DIAPH2: variants seen among roughly 807,000 people sequenced by gnomAD.
DIAPH2 encodes the protein protein diaphanous homolog 2.
DIAPH2 carries 35 observed loss-of-function variants against 92.7 expected under a neutral mutation model. That is an observed-to-expected ratio of 0.38 (90% CI 0.29 to 0.50). The LOEUF is 0.50. Ranked by LOEUF, DIAPH2 falls within the 20% of genes least tolerant of loss-of-function variation. DIAPH2 has a pLI of 0.94. For synonymous variants in DIAPH2, 301 were observed against 280.4 expected, an observed-to-expected ratio of 1.07 and a Z score of -0.73; for missense variants, 701 against 819.5, an observed-to-expected ratio of 0.86 and a Z score of 1.77.
At chrX:97,036,136 A>T (rs2066409122) in intron 17 of DIAPH2, among the ~76,000 whole-genome samples, 1 of 111,787 alleles carries the variant, frequency 8.9e-6, no homozygotes, top group South Asian at 3.7e-4. Flanking sequence ...AAAACTTGGA[A>T]TTTAAAAGAA....
chrX:96,870,315 G>T (rs2065131698), intron 4 of DIAPH2, among the ~76,000 whole-genome samples: 1 of 110,413 alleles, frequency 9.1e-6, no homozygotes, highest in Non-Finnish European at 1.9e-5. Context: ...AGGCTAGAGT[G>T]CAGTGGCGTG....
intron 26 of DIAPH2, among the ~76,000 whole-genome samples, chrX:97,502,705 C>T (rs996530245): frequency 7.1e-5 from 8 of 112,529 alleles, no homozygotes; most frequent in African/African-American, 2.6e-4. Flanking sequence ...AGACTTACTT[C>T]TGGAATTTGA....
At chrX:97,578,130 A>C (rs2071410830) in intron 26 of DIAPH2, among the ~76,000 whole-genome samples, 1 of 101,458 alleles carries the variant, frequency 9.9e-6, no homozygotes, top group Non-Finnish European at 2.0e-5. Context: ...CATTTGTTGC[A>C]GTTTATTGGC....
chrX:96,966,719 GT>G (rs1309205924), intron 17 of DIAPH2, among the ~76,000 whole-genome samples: 1 of 111,395 alleles, frequency 9.0e-6, no homozygotes, highest in Non-Finnish European at 1.9e-5. Context: ...TCTTTTGCTT[GT>G]TTAAGAAATG....
chrX:97,207,695 A>G (rs1280702693), intron 22 of DIAPH2, among the ~76,000 whole-genome samples: 3 of 111,083 alleles, frequency 2.7e-5, no homozygotes, highest in African/African-American at 9.8e-5. Flanking sequence ...TCTGCCCAGT[A>G]TTTGATTAAT....
chrX:97,286,406 C>T (rs1305694505), intron 23 of DIAPH2, among the ~76,000 whole-genome samples: 2 of 110,978 alleles, frequency 1.8e-5, no homozygotes, highest in African/African-American at 6.5e-5. Context: ...GCAATCTAAA[C>T]TCTCGGGTTT....
chrX:97,386,889 C>T (rs1485136403), intron 25 of DIAPH2, among the ~76,000 whole-genome samples: 1 of 108,130 alleles, frequency 9.2e-6, no homozygotes, highest in Non-Finnish European at 1.9e-5. Flanking sequence ...TAGTTTGCTG[C>T]ACCCATCAAC....
At chrX:96,958,752 C>G (rs1019718416) in intron 16 of DIAPH2, among the ~76,000 whole-genome samples, 1 of 111,500 alleles carries the variant, frequency 9.0e-6, no homozygotes, top group Non-Finnish European at 1.9e-5. Context: ...CCTTCCCAGT[C>G]TCTGGTAACT....
At chrX:96,895,204 C>T (rs1008581884) in intron 5 of DIAPH2, among the ~76,000 whole-genome samples, 1 of 110,229 alleles carries the variant, frequency 9.1e-6, no homozygotes, top group Non-Finnish European at 1.9e-5. Flanking sequence ...GGGGTTTCCC[C>T]GTGTTGGCCA....
At chrX:96,886,136 C>T (rs2065260305) in intron 5 of DIAPH2, among the ~76,000 whole-genome samples, 1 of 109,702 alleles carries the variant, frequency 9.1e-6, no homozygotes, top group Admixed American at 9.9e-5. Flanking sequence ...ATGCTATAGC[C>T]TAGTTCTAAC....
At chrX:97,477,626 CTA>C (rs750457001) in intron 26 of DIAPH2, among the ~76,000 whole-genome samples, 77 of 87,592 alleles carry the variant, frequency 8.8e-4, no homozygotes, top group African/African-American at 2.9e-3. Context: ...ATCTATCTAT[CTA>C]TATATATATA....
At chrX:96,909,943 A>G (rs2065459082) in intron 5 of DIAPH2, among the ~76,000 whole-genome samples, 1 of 111,178 alleles carries the variant, frequency 9.0e-6, no homozygotes, top group African/African-American at 3.3e-5. Flanking sequence ...CAGTAGACAT[A>G]AAGAGAATAT....
At chrX:97,295,159 A>T (rs2068632891) in intron 23 of DIAPH2, among the ~76,000 whole-genome samples, 1 of 111,793 alleles carries the variant, frequency 8.9e-6, no homozygotes, top group Non-Finnish European at 1.9e-5. Context: ...TTCCTTAGTT[A>T]TACAGGTTTA....
At position 97,367,857 on chromosome X, in the gene DIAPH2, C is replaced by T. The variant is rs188504741; in HGVS notation, c.3010-16052C>T. On this transcript the variant is annotated intron_variant, in intron 24 of 26. Transcript: ENST00000324765. ...AGCTGGGATTACAGGTGCTCGCCAC[C>T]AGGCCCAGCTAATTTTTTTTGTATT... Among the ~76,000 whole-genome samples, 332 of 110,939 alleles carry T rather than the reference C, an allele frequency of 3.0e-3. 2 individuals are homozygous for T. The highest frequency in any genetic ancestry group is 0.019 in the Middle Eastern group (4 of 214).
chrX:96,945,513 T>C lies in DIAPH2; in HGVS notation c.1445-14T>C. ...ATGCCATAATTTCGAATCACTTTTGTTTGATCTTAATAGATTCTTGTGTGA... is the reference window on the plus strand; with the variant it reads ...ATGCCATAATTTCGAATCACTTTTGCTTGATCTTAATAGATTCTTGTGTGA... On this transcript the variant is annotated splice_polypyrimidine_tract_variant and intron_variant, in intron 13 of 26. Coordinates refer to ENST00000324765, the MANE Select transcript of DIAPH2 (RefSeq NM_006729.5). 2 of 1,165,612 alleles carry C rather than the reference T, an allele frequency of 1.7e-6. No homozygotes were observed. The highest frequency in any genetic ancestry group is 2.3e-6 in the Non-Finnish European group (2 of 874,545).
At chrX:97,344,647 C>T (rs1487268473) in intron 23 of DIAPH2, among the ~76,000 whole-genome samples, 3 of 111,511 alleles carry the variant, frequency 2.7e-5, no homozygotes, top group Non-Finnish European at 5.6e-5. Context: ...GGCTGCTTTC[C>T]ATTTGTTATT....
At chrX:97,529,599 G>A (rs1238235712) in intron 26 of DIAPH2, among the ~76,000 whole-genome samples, 1 of 111,782 alleles carries the variant, frequency 8.9e-6, no homozygotes. Flanking sequence ...ATTATGTTAA[G>A]TGCTAATGTG....
At chrX:97,098,766 G>A (rs2066886330) in intron 19 of DIAPH2, among the ~76,000 whole-genome samples, 1 of 112,697 alleles carries the variant, frequency 8.9e-6, no homozygotes, top group South Asian at 3.7e-4. Flanking sequence ...ATTCGTGAGG[G>A]CTCCACTCTT....
intron 26 of DIAPH2, among the ~76,000 whole-genome samples, chrX:97,567,984 T>C (rs1411536965): frequency 1.9e-5 from 2 of 107,620 alleles, no homozygotes; most frequent in African/African-American, 6.8e-5. Context: ...GGCATGGTGG[T>C]GCGTGCCTGT....
Sources: gnomAD v4.1 joint callset for allele counts (sites outside exome capture counted in the v4.1 genomes callset) on GRCh38, gnomAD v4.1.1 for gene constraint, MANE v1.5 for transcripts, NCBI Gene and HGNC (gene_info 2026-07-23, HGNC 2026-07-21) for gene names.